Variants in SHQ1 observed in about 807,000 individuals in gnomAD.
SHQ1 encodes SHQ1, H/ACA ribonucleoprotein assembly factor.
A neutral mutation model predicts 53.8 loss-of-function variants in SHQ1; 49 were observed. The observed-to-expected ratio is 0.91, with a 90% CI of 0.72 to 1.16. SHQ1 has a LOEUF of 1.16. Among genes scored for constraint, SHQ1 ranks in the 50% most tolerant of loss-of-function variants. SHQ1 has a pLI of 0.00. For synonymous variants in SHQ1, 243 were observed against 251.0 expected (o/e 0.97, Z 0.30); for missense variants, 738 against 683.1 (o/e 1.08, Z -0.90).
intron 10 of SHQ1, chr3:72,753,027 CTT>C: frequency 1.0e-6 from 1 of 985,276 alleles, no homozygotes; most frequent in Non-Finnish European, 1.2e-6. Flanking sequence ...AGTAAATAAA[CTT>C]TTCCATTATT....
At chr3:72,799,633 C>T (rs184943319) in intron 9 of SHQ1, among the ~76,000 whole-genome samples, 1 of 152,260 alleles carries the variant, frequency 6.6e-6, no homozygotes, top group Admixed American at 6.5e-5. Flanking sequence ...GCCATTTAAG[C>T]TTCAATTTTT....
At chr3:72,738,980 G>A in the SHQ1 span, among the ~76,000 whole-genome samples, 1 of 152,216 alleles carries the variant, frequency 6.6e-6, no homozygotes, top group Non-Finnish European at 1.5e-5. Context: ...GGGGAGAGCT[G>A]GGTGGTTATG....
At chr3:72,804,974 G>A (rs1313262516) in intron 9 of SHQ1, among the ~76,000 whole-genome samples, 1 of 152,216 alleles carries the variant, frequency 6.6e-6, no homozygotes, top group Non-Finnish European at 1.5e-5. Context: ...GAACGTCACA[G>A]AATGTACTTA....
intron 4 of SHQ1, among the ~76,000 whole-genome samples, chr3:72,838,827 A>C (rs983975290): frequency 2.0e-5 from 3 of 152,210 alleles, no homozygotes; most frequent in Non-Finnish European, 4.4e-5. Flanking sequence ...AGAGGGATGT[A>C]AACAAAAAGG....
intron 9 of SHQ1, among the ~76,000 whole-genome samples, chr3:72,801,153 T>C: frequency 6.7e-6 from 1 of 149,854 alleles, no homozygotes; most frequent in South Asian, 2.1e-4. Flanking sequence ...AAAAAAAAAA[T>C]CTCTGTCTAC....
the SHQ1 span, among the ~76,000 whole-genome samples, chr3:72,738,068 A>C: frequency 6.6e-6 from 1 of 151,958 alleles, no homozygotes; most frequent in African/African-American, 2.4e-5. Flanking sequence ...CTCACCCACC[A>C]CATCTCTCCA....
At chr3:72,728,829 C>T in the SHQ1 span, among the ~76,000 whole-genome samples, 4 of 152,206 alleles carry the variant, frequency 2.6e-5, no homozygotes, top group African/African-American at 9.7e-5. Flanking sequence ...CCCCAAATGG[C>T]CTGAGGGGTT....
At chr3:72,772,162 T>C (rs1705867945) in intron 10 of SHQ1, among the ~76,000 whole-genome samples, 2 of 150,888 alleles carry the variant, frequency 1.3e-5, no homozygotes, top group South Asian at 2.1e-4. Flanking sequence ...GTTGGGTTCG[T>C]CAGAAAAAGC....
intron 4 of SHQ1, among the ~76,000 whole-genome samples, chr3:72,836,747 G>A (rs1487320851): frequency 6.6e-6 from 1 of 152,142 alleles, no homozygotes; most frequent in East Asian, 1.9e-4. Flanking sequence ...CAACCAAAGG[G>A]AAGAAAGAGG....
intron 6 of SHQ1, among the ~76,000 whole-genome samples, chr3:72,821,054 C>T (rs1426236454): frequency 6.6e-6 from 1 of 152,218 alleles, no homozygotes; most frequent in Admixed American, 6.5e-5. Flanking sequence ...GATCTCAATG[C>T]TCTCAGAGTA....
In SHQ1 at chr3:72,824,273, A is replaced by T. The variant is rs1344230648; in HGVS notation, c.727+151T>A. The T allele has an allele frequency of 3.1e-4, 279 of 907,776 alleles. No homozygotes were observed. The African/African-American group carries it at 4.5e-3, about 15-fold the overall frequency. 56.2% of individuals were successfully genotyped at this position (907,776 alleles called of 1,614,324 possible). A position where few individuals can be genotyped will look rare whatever the true frequency, so the allele number is the denominator to read the frequency against. On this transcript the variant is annotated intron_variant, in intron 6 of 10. Transcript: ENST00000325599. The stretch of plus-strand genomic sequence containing the variant: ...TTAGCGGCATTTTCCAGTCAGGGGC[A>T]AAGAAGTCATTTCCAAAATTAGCAA...
intron 10 of SHQ1, among the ~76,000 whole-genome samples, chr3:72,771,543 T>C (rs751382844): frequency 6.6e-6 from 1 of 152,192 alleles, no homozygotes; most frequent in South Asian, 2.1e-4. Context: ...GACAAAGTAA[T>C]ATTCACAAAA....
intron 1 of SHQ1, chr3:72,846,090 A>G (rs1433010579): frequency 3.4e-6 from 3 of 872,344 alleles, no homozygotes; most frequent in Non-Finnish European, 5.4e-6. Context: ...TAATGCAAAG[A>G]GCTTAGTGGC....
the SHQ1 span, among the ~76,000 whole-genome samples, chr3:72,734,750 AT>A: frequency 6.6e-6 from 1 of 151,562 alleles, no homozygotes; most frequent in Non-Finnish European, 1.5e-5. Flanking sequence ...GGTGCTCAAT[AT>A]GCTATTGCAT....
At chr3:72,726,478 G>A in the SHQ1 span, among the ~76,000 whole-genome samples, 2 of 152,126 alleles carry the variant, frequency 1.3e-5, no homozygotes, top group Non-Finnish European at 2.9e-5. Context: ...TCAGCCTCTG[G>A]AGTAGCTGAG....
At chr3:72,833,558 T>C (rs910023309) in intron 4 of SHQ1, among the ~76,000 whole-genome samples, 3 of 143,296 alleles carry the variant, frequency 2.1e-5, no homozygotes, top group African/African-American at 2.4e-5. Context: ...GATAGATAGA[T>C]AGATAGATAG....
chr3:72,765,826 T>A (rs1705715669), intron 10 of SHQ1, among the ~76,000 whole-genome samples: 1 of 152,092 alleles, frequency 6.6e-6, no homozygotes, highest in South Asian at 2.1e-4. Context: ...GTTCTAGGAT[T>A]ACAGGCATGA....
intron 8 of SHQ1, 52 bp from the exon 9 acceptor site, chr3:72,812,846 C>CGG (rs1331064304): frequency 1.2e-6 from 2 of 1,601,490 alleles, no homozygotes; most frequent in African/African-American, 2.7e-5. Flanking sequence ...GTTACACAAA[C>CGG]AAAAGTACAC....
intron 10 of SHQ1, 131 bp downstream of exon 10, chr3:72,792,784 CA>C (rs59948195): frequency 0.08 from 20,476 of 255,270 alleles, 18 homozygotes; most frequent in African/African-American, 0.17. Flanking sequence ...ACCTCCATCT[CA>C]AAAAAAAAAA....
Sources: gnomAD v4.1 joint callset for allele counts (sites outside exome capture counted in the v4.1 genomes callset) on GRCh38, gnomAD v4.1.1 for gene constraint, MANE v1.5 for transcripts, NCBI Gene and HGNC (gene_info 2026-07-23, HGNC 2026-07-21) for gene names.